TFDP2: variants seen among roughly 807,000 people sequenced by gnomAD.
TFDP2 encodes the protein transcription factor Dp-2, also known as transcription factor Dp-2 (E2F dimerization partner 2).
Under a neutral mutation model 59.3 loss-of-function variants are expected in TFDP2, and 17 were observed. That is an observed-to-expected ratio of 0.29 (90% CI 0.20 to 0.43). TFDP2 has a LOEUF of 0.43. TFDP2 is among the 20% of genes least tolerant of loss of function. The pLI, the probability that TFDP2 is intolerant of heterozygous loss-of-function variation, is 1.00. For missense variants in TFDP2, 391 were observed against 528.8 expected, an observed-to-expected ratio of 0.74 and a Z score of 2.56; for synonymous variants, 180 against 194.7, an observed-to-expected ratio of 0.92 and a Z score of 0.63.
At chr3:142,045,942 C>G (rs1324701886) in intron 3 of TFDP2, among the ~76,000 whole-genome samples, 1 of 152,124 alleles carries the variant, frequency 6.6e-6, no homozygotes, top group Non-Finnish European at 1.5e-5. Flanking sequence ...ACTTTATCCA[C>G]ACAAGCCAGA....
chr3:142,076,979 C>T (rs2060479382), intron 3 of TFDP2, among the ~76,000 whole-genome samples: 1 of 152,286 alleles, frequency 6.6e-6, no homozygotes, highest in African/African-American at 2.4e-5. Context: ...CTACCAACTC[C>T]ACCCCTTCCC....
At chr3:142,060,026 A>G (rs2059865686) in intron 3 of TFDP2, among the ~76,000 whole-genome samples, 1 of 152,244 alleles carries the variant, frequency 6.6e-6, no homozygotes, top group African/African-American at 2.4e-5. Flanking sequence ...TAATATAAAG[A>G]TAACATTAAC....
chr3:142,011,435 T>A (rs1944671606), intron 3 of TFDP2, among the ~76,000 whole-genome samples: 1 of 111,920 alleles, frequency 8.9e-6, no homozygotes, highest in Admixed American at 1.0e-4. Flanking sequence ...CTCTGGGGAC[T>A]GTGGTGGGGT....
chr3:142,019,373 A>AT (rs960666844), intron 3 of TFDP2, among the ~76,000 whole-genome samples: 4 of 152,092 alleles, frequency 2.6e-5, no homozygotes, highest in Admixed American at 2.6e-4. Context: ...CTATTTGCAC[A>AT]TTTTTAAGAA....
intron 4 of TFDP2, among the ~76,000 whole-genome samples, chr3:142,004,080 G>A (rs1354750909): frequency 3.3e-5 from 5 of 152,166 alleles, no homozygotes; most frequent in African/African-American, 1.2e-4. Context: ...TAGTGGCTGA[G>A]GAGGGGCAAA....
Position 142,093,094 on chromosome 3 carries a change from C to T in TFDP2, c.49G>A (p.Gly17Arg), listed in dbSNP as rs747067446. The T allele has an allele frequency of 2.6e-6, 4 of 1,541,008 alleles. No homozygotes were observed. The highest frequency in any genetic ancestry group is 2.7e-5 in the African/African-American group (2 of 73,288). The change falls in exon 3 of 13, where the codon GGA (glycine) becomes AGA (arginine). Residue 17 changes from glycine (G) to arginine (R), a missense_variant. By Grantham distance (125) the Gly-to-Arg change is moderately radical (BLOSUM62 -2). This residue lies in a region of TFDP2 where 162 missense variants were observed against 206.8 expected (regional missense o/e 0.78). Transcript: ENST00000489671. ...GLTSTNAEVR[G>R]FIDQNLSPTK... is the part of the protein sequence containing the mutation. ...GGACTGAGATTCTGATCTATAAATC[C>T]TCTTACTTCTGCATTTGTGGAAGTC...
chr3:142,059,781 C>CA (rs935567091), intron 3 of TFDP2, among the ~76,000 whole-genome samples: 7 of 152,110 alleles, frequency 4.6e-5, no homozygotes, highest in Non-Finnish European at 1.0e-4. Flanking sequence ...GGGGTTTTGC[C>CA]ATGTTGGCCA....
intron 9 of TFDP2, among the ~76,000 whole-genome samples, chr3:141,965,361 GTAGCTCACA>G: frequency 6.6e-6 from 1 of 151,764 alleles, no homozygotes; most frequent in East Asian, 1.9e-4. Flanking sequence ...GCCAGGCATG[GTAGCTCACA>G]CCTGTAATCT....
intron 1 of TFDP2, among the ~76,000 whole-genome samples, chr3:142,116,794 A>G (rs1195106600): frequency 6.7e-6 from 1 of 148,194 alleles, no homozygotes; most frequent in Non-Finnish European, 1.5e-5. Flanking sequence ...CTGTATGCAT[A>G]TAAGTTACGT....
chr3:141,969,249 CATATATATATCTCATATATATGAG>C (rs2107983933), intron 9 of TFDP2, among the ~76,000 whole-genome samples: 1 of 95,560 alleles, frequency 1.0e-5, no homozygotes, highest in Admixed American at 1.3e-4. Context: ...ATATATATAA[CATATATATATCTCATATATATGAG>C]ATATATATAT....
At chr3:142,110,086 A>G (rs1459994975) in intron 1 of TFDP2, among the ~76,000 whole-genome samples, 1 of 151,866 alleles carries the variant, frequency 6.6e-6, no homozygotes, top group Non-Finnish European at 1.5e-5. Context: ...GTTTCGCCAC[A>G]TTGCCCAGGC....
At chr3:141,953,140 C>A (rs562027514) in intron 11 of TFDP2, 124 bp from the exon 12 acceptor site, 3 of 588,132 alleles carry the variant, frequency 5.1e-6, no homozygotes, top group Admixed American at 3.3e-5. Flanking sequence ...CTAGACAATT[C>A]TCTTGCTGTG....
chr3:142,059,330 G>A (rs537933524), intron 3 of TFDP2, among the ~76,000 whole-genome samples: 1 of 152,130 alleles, frequency 6.6e-6, no homozygotes, highest in South Asian at 2.1e-4. Flanking sequence ...TCATAGTGAG[G>A]TCTAAAGATC....
chr3:142,038,243 G>C (rs1166776742), intron 3 of TFDP2, among the ~76,000 whole-genome samples: 3 of 151,986 alleles, frequency 2.0e-5, no homozygotes, highest in Non-Finnish European at 2.9e-5. Context: ...GATTAGTCGG[G>C]AGTAGTGGCG....
intron 3 of TFDP2, among the ~76,000 whole-genome samples, chr3:142,055,984 C>T (rs1464137251): frequency 7.9e-6 from 1 of 126,658 alleles, no homozygotes; most frequent in South Asian, 2.7e-4. Flanking sequence ...GACAGAGTCT[C>T]GCTCTGTCGC....
chr3:141,968,561 T>C (rs1478697098), intron 9 of TFDP2, among the ~76,000 whole-genome samples: 1 of 109,976 alleles, frequency 9.1e-6, no homozygotes, highest in African/African-American at 4.0e-5. Flanking sequence ...CTCATATATA[T>C]AGATATATAT....
At chr3:141,989,109 T>A (rs1454664697) in intron 6 of TFDP2, 1 of 152,244 alleles carries the variant, frequency 6.6e-6, no homozygotes, top group Non-Finnish European at 1.5e-5. Flanking sequence ...TTATCTTACA[T>A]CCTCTTGGGT....
intron 6 of TFDP2, among the ~76,000 whole-genome samples, chr3:141,984,436 T>G (rs12488810): frequency 0.074 from 11,329 of 152,088 alleles, 527 homozygotes; most frequent in Non-Finnish European, 0.11. Context: ...GGCAGAGGTT[T>G]TAGTGAGCCG....
intron 4 of TFDP2, among the ~76,000 whole-genome samples, chr3:141,997,528 G>C (rs542797890): frequency 6.6e-6 from 1 of 152,012 alleles, no homozygotes; most frequent in South Asian, 2.1e-4. Flanking sequence ...CTACATGCTT[G>C]GTTTTGCTGA....
Sources: allele counts gnomAD v4.1 joint callset (sites outside exome capture counted in the v4.1 genomes callset), GRCh38; gene constraint gnomAD v4.1.1; regional missense constraint gnomAD v4.1.1; transcripts MANE v1.5; gene names NCBI Gene and HGNC (gene_info 2026-07-23, HGNC 2026-07-21).